LMBR1: variants seen among roughly 807,000 people sequenced by gnomAD.
LMBR1 encodes the protein limb development membrane protein 1.
Under a neutral mutation model 73.9 loss-of-function variants are expected in LMBR1, and 52 were observed. That is an observed-to-expected ratio of 0.70 (90% confidence interval 0.56 to 0.89). The LOEUF (loss-of-function observed/expected upper bound fraction) is 0.89. Among genes scored for constraint, LMBR1 ranks in the 40% least tolerant of loss-of-function variants. The probability of loss-of-function intolerance (pLI) is 0.00; values close to 1 mark genes in which losing one functional copy is unlikely to be tolerated. For missense variants in LMBR1, 539 were observed against 579.8 expected (o/e 0.93, Z 0.72); for synonymous variants, 215 against 209.4 (o/e 1.03, Z -0.23).
At chr7:156,840,565 G>A (rs1031819379) in intron 1 of LMBR1, among the ~76,000 whole-genome samples, 1 of 151,954 alleles carries the variant, frequency 6.6e-6, no homozygotes, top group Non-Finnish European at 1.5e-5. Context: ...ACTGTGTGTC[G>A]GTTTTTACCC....
intron 15 of LMBR1, among the ~76,000 whole-genome samples, chr7:156,708,288 TC>T (rs1166911772): frequency 6.6e-6 from 1 of 152,186 alleles, no homozygotes; most frequent in Non-Finnish European, 1.5e-5. Flanking sequence ...CATTGCAAAT[TC>T]CATGAGACAC....
chr7:156,789,335 CCTTT>C (rs1828775454), intron 5 of LMBR1, among the ~76,000 whole-genome samples: 1 of 152,120 alleles, frequency 6.6e-6, no homozygotes, highest in Non-Finnish European at 1.5e-5. Context: ...ATGAGAATTT[CCTTT>C]CTTTAACGTA....
chr7:156,757,900 G>T (rs144133593), intron 8 of LMBR1, among the ~76,000 whole-genome samples: 1 of 152,060 alleles, frequency 6.6e-6, no homozygotes, highest in Non-Finnish European at 1.5e-5. Flanking sequence ...ATACCAACTC[G>T]ATCCTTGAGA....
chr7:156,685,627 G>A lies in LMBR1; in HGVS notation c.1388-1464C>T, dbSNP rs918745527. On this transcript the variant is annotated intron_variant, in intron 16 of 16. Coordinates refer to ENST00000353442, the MANE Select transcript of LMBR1 (RefSeq NM_022458.4). The surrounding 1 kb of genome is among the most constrained non-coding windows in gnomAD (Gnocchi z 4.1). The stretch of plus-strand genomic sequence containing the variant: ...GTGGCGCCAGGACATTACAACAGCC[G>A]CCACGCCACTGCTGGCAGAAACGGT... Among the ~76,000 whole-genome samples, 1 of 152,182 alleles carries A rather than the reference G, an allele frequency of 6.6e-6. No individual in the cohort carries two copies. Among genetic ancestry groups the A allele is most frequent in the Non-Finnish European group, 1.5e-5 (1 of 68,038 alleles).
chr7:156,698,820 A>C (rs1808946355), intron 15 of LMBR1, among the ~76,000 whole-genome samples: 1 of 152,166 alleles, frequency 6.6e-6, no homozygotes, highest in African/African-American at 2.4e-5. Context: ...TTGGTGATTA[A>C]CATTCAGCTC....
At chr7:156,700,404 A>T (rs1563162830) in intron 15 of LMBR1, among the ~76,000 whole-genome samples, 1 of 150,958 alleles carries the variant, frequency 6.6e-6, no homozygotes, top group African/African-American at 2.4e-5. Context: ...GGGTGGGAGG[A>T]GGGGGGGAGG....
At chr7:156,706,359 G>GA (rs982296121) in intron 15 of LMBR1, among the ~76,000 whole-genome samples, 2 of 151,652 alleles carry the variant, frequency 1.3e-5, no homozygotes, top group Admixed American at 6.6e-5. Context: ...AGCTTATCGA[G>GA]AAAAAAAATC....
At chr7:156,836,684 C>A in intron 2 of LMBR1, 129 bp downstream of exon 2, 1 of 549,122 alleles carries the variant, frequency 1.8e-6, no homozygotes, top group Non-Finnish European at 3.1e-6. Flanking sequence ...TAGTACCAGA[C>A]AACTGCTTAC....
intron 4 of LMBR1, among the ~76,000 whole-genome samples, chr7:156,825,716 T>C (rs1835568230): frequency 6.6e-6 from 1 of 152,208 alleles, no homozygotes; most frequent in African/African-American, 2.4e-5. Flanking sequence ...ATAACTATCA[T>C]AATAGCTACC....
chr7:156,821,420 ACATCC>A (rs1261997896), intron 4 of LMBR1, among the ~76,000 whole-genome samples: 1 of 152,222 alleles, frequency 6.6e-6, no homozygotes, highest in Non-Finnish European at 1.5e-5. Flanking sequence ...CCTTTCTGGA[ACATCC>A]CTAAAAGGAC....
At chr7:156,733,626 G>A (rs1817290687) in intron 10 of LMBR1, among the ~76,000 whole-genome samples, 1 of 152,054 alleles carries the variant, frequency 6.6e-6, no homozygotes, top group Non-Finnish European at 1.5e-5. Flanking sequence ...GAAAAAAACT[G>A]AAAAATAAAG....
rs779252361 is a variant in LMBR1, at chr7:156,727,941, T to C, written c.982A>G (p.Lys328Glu). ...CLLVDETAMP[K>E]GTRGPGIGNA... ...GGATTTTACTTTACCCTTGTTCCTT[T>C]TGGCATTGCTGTTTCATCAACCAAT... The change falls in exon 12 of 17, where the codon AAA becomes GAA. Residue 328 changes from lysine to glutamate, a missense_variant. Around this residue, in one of 3 missense-constraint regions of LMBR1, gnomAD observed 454 missense variants for 473.4 expected, o/e 0.96. Transcript: ENST00000353442. 6.2e-7 allele frequency: 1 copy of C among 1,612,712 alleles called. No homozygotes were observed. Among genetic ancestry groups the C allele is most frequent in the Non-Finnish European group, 8.5e-7 (1 of 1,179,062 alleles).
rs916722113 is a variant in LMBR1, at chr7:156,754,160, C to T, written c.757+2233G>A. On this transcript the variant is annotated intron_variant, in intron 9 of 16. Transcript: ENST00000353442. ...TATCACAGCACACAGCTTTGCTTTA[C>T]TTTATTAACATTCCATGAAACAATA... Among the ~76,000 whole-genome samples the T allele has an allele frequency of 6.6e-5, 10 of 152,304 alleles. No homozygotes were observed. In the East Asian group the frequency reaches 1.5e-3, roughly 23 times the overall value.
At chr7:156,781,152 A>T (rs1827064928) in intron 5 of LMBR1, among the ~76,000 whole-genome samples, 1 of 152,258 alleles carries the variant, frequency 6.6e-6, no homozygotes, top group Admixed American at 6.5e-5. Context: ...GATCATTAGC[A>T]TTATTACTTA....
At chr7:156,784,171 T>C (rs1827675654) in intron 5 of LMBR1, among the ~76,000 whole-genome samples, 2 of 152,182 alleles carry the variant, frequency 1.3e-5, no homozygotes, top group Admixed American at 6.5e-5. Flanking sequence ...ATTAAAAGTC[T>C]CCTTGAAATA....
intron 15 of LMBR1, among the ~76,000 whole-genome samples, chr7:156,697,257 C>T (rs200366485): frequency 1.3e-5 from 2 of 151,344 alleles, no homozygotes; most frequent in African/African-American, 2.4e-5. Flanking sequence ...TAATAAGGAT[C>T]TAACAAAGAT....
At chr7:156,796,132 T>A (rs764389663) in intron 5 of LMBR1, among the ~76,000 whole-genome samples, 3 of 152,174 alleles carry the variant, frequency 2.0e-5, no homozygotes, top group Non-Finnish European at 4.4e-5. Flanking sequence ...AGCTATTATA[T>A]CAGGTTTATC....
intron 4 of LMBR1, among the ~76,000 whole-genome samples, chr7:156,802,044 G>A (rs1831089195): frequency 6.6e-6 from 1 of 151,782 alleles, no homozygotes; most frequent in South Asian, 2.1e-4. Flanking sequence ...GTGCAATGGC[G>A]CAATCTCGGC....
chr7:156,672,626 G>C (rs1458540100), intron 4 of LMBR1, among the ~76,000 whole-genome samples: 1 of 152,234 alleles, frequency 6.6e-6, no homozygotes, highest in African/African-American at 2.4e-5. Flanking sequence ...GGACAGCTGG[G>C]ATTGCTCCAG....
Sources: allele counts gnomAD v4.1 joint callset (sites outside exome capture counted in the v4.1 genomes callset), GRCh38; gene constraint gnomAD v4.1.1; regional missense constraint gnomAD v4.1.1; non-coding constraint Gnocchi (gnomAD v3.1); transcripts MANE v1.5; gene names NCBI Gene and HGNC (gene_info 2026-07-23, HGNC 2026-07-21).